ADCK5: variants seen among roughly 807,000 people sequenced by gnomAD.
The protein encoded by ADCK5 is aarF domain containing kinase 5.
Under a neutral mutation model 64.9 loss-of-function variants are expected in ADCK5, and 43 were observed. The observed-to-expected ratio is 0.66, with a 90% CI of 0.52 to 0.85. ADCK5 has a LOEUF of 0.85. Among genes scored for constraint, ADCK5 ranks in the 40% least tolerant of loss-of-function variants. The pLI, the probability that ADCK5 is intolerant of heterozygous loss-of-function variation, is 0.00. For synonymous variants in ADCK5, 434 were observed against 342.8 expected, an observed-to-expected ratio of 1.27 and a Z score of -2.94; for missense variants, 760 against 810.5, an observed-to-expected ratio of 0.94 and a Z score of 0.76.
Position 144,392,879 on chromosome 8 carries a change from G to T in ADCK5, c.1624G>T (p.Glu542Ter), listed in dbSNP as rs782039585. 2 of 1,601,880 alleles carry T rather than the reference G, an allele frequency of 1.2e-6. No individual in the cohort carries two copies. The highest frequency in any genetic ancestry group is 2.2e-5 in the South Asian group (2 of 90,004). Residue 542 changes from glutamate to a stop codon, truncating the protein, a stop_gained, in exon 14 of 15, where the codon GAA becomes TAA. Transcript: ENST00000308860. LOFTEE classifies it low-confidence loss of function (END_TRUNC). ...GGTCGTCTGGGAGATGCTCAAGTTTGAAGTGGCGCTCAGGTGAGTGGCCGC... is the reference window on the plus strand; with the variant it reads ...GGTCGTCTGGGAGATGCTCAAGTTTTAAGTGGCGCTCAGGTGAGTGGCCGC... ...AKVVWEMLKF[E>*]VALRLETLAM...
intron 1 of ADCK5, 93 bp downstream of exon 1, chr8:144,374,200 C>T: frequency 8.5e-7 from 1 of 1,175,660 alleles, no homozygotes. Context: ...CCCTAGAGAC[C>T]CTCGGGGCTT....
At chr8:144,374,309 G>A (rs897469653) in intron 1 of ADCK5, among the ~76,000 whole-genome samples, 20 of 152,212 alleles carry the variant, frequency 1.3e-4, no homozygotes, top group African/African-American at 4.1e-4. Context: ...GGACTCAGGC[G>A]ATCCTCCCGC....
intron 1 of ADCK5, among the ~76,000 whole-genome samples, chr8:144,379,022 C>T (rs895897276): frequency 6.6e-6 from 1 of 151,546 alleles, no homozygotes; most frequent in South Asian, 2.1e-4. Context: ...CAACCTCTGC[C>T]TCCCGGGTTC....
intron 3 of ADCK5, among the ~76,000 whole-genome samples, chr8:144,389,845 T>TG (rs1586592920): frequency 6.6e-6 from 1 of 150,664 alleles, no homozygotes; most frequent in East Asian, 1.9e-4. Context: ...TTTTTTTTTT[T>TG]GAAACCGAGT....
At chr8:144,378,333 G>C (rs978419616) in intron 1 of ADCK5, among the ~76,000 whole-genome samples, 1 of 152,186 alleles carries the variant, frequency 6.6e-6, no homozygotes, top group African/African-American at 2.4e-5. Flanking sequence ...GAGGGGCCTG[G>C]TGGGAGGTGA....
In ADCK5 at chr8:144,391,749, G is replaced by C. The variant is rs542447834; in HGVS notation, c.931-34G>C. 5.1e-5 allele frequency: 78 copies of C among 1,538,996 alleles called. No homozygotes were observed. In the South Asian group the frequency reaches 9.0e-4, roughly 18 times the overall value. ...AGGCCCTTGGGGTGGGCACAGCGCT[G>C]GGCCTGCTGAGCCCAGCCTCTTGCT... On this transcript the variant is annotated intron_variant, in intron 8 of 14. Transcript: ENST00000308860.
At chr8:144,391,518 G>A (rs1008107901) in intron 7 of ADCK5, 44 bp downstream of exon 7, 37 of 1,589,428 alleles carry the variant, frequency 2.3e-5, no homozygotes, top group Non-Finnish European at 3.2e-5. Flanking sequence ...CAAACACGTA[G>A]GCAGAGCTGG....
chr8:144,392,334 T>TAGGGGTGCAAGGTGA lies in ADCK5; in HGVS notation c.1256_1257insAGGGGTGCAAGGTGA (p.Gln422_Asp423insGlyGluGlyValGln), dbSNP rs1820293673. Reference sequence around the variant, plus strand: ...GCCATGAGGGCGCACGCAGCCGCACTGGGGGTGCAAGGTGAGGGCGTGCGG... The same window carrying TAGGGGTGCAAGGTGA: ...GCCATGAGGGCGCACGCAGCCGCACTAGGGGTGCAAGGTGAGGGGGTGCAAGGTGAGGGCGTGCGG... On this transcript the variant is annotated inframe_insertion, in exon 12 of 15. Coordinates refer to ENST00000308860, the MANE Select transcript of ADCK5 (RefSeq NM_174922.5). 1 of 1,476,844 alleles carries TAGGGGTGCAAGGTGA rather than the reference T, an allele frequency of 6.8e-7. No homozygotes were observed. The highest frequency in any genetic ancestry group is 9.0e-7 in the Non-Finnish European group (1 of 1,115,098). 91.5% of individuals were successfully genotyped at this position (1,476,844 alleles called of 1,614,324 possible).
chr8:144,385,963 C>CAA (rs879964077), intron 3 of ADCK5, among the ~76,000 whole-genome samples: 1 of 133,646 alleles, frequency 7.5e-6, no homozygotes, highest in Non-Finnish European at 1.6e-5. Context: ...CTCTCTGTCT[C>CAA]AAAAAAAAAA....
At chr8:144,373,771 G>A (rs1819249370), upstream of ADCK5, 1 of 327,610 alleles carries the variant, frequency 3.1e-6, no homozygotes, top group Middle Eastern at 8.3e-4. Context: ...AGCCCTCCCC[G>A]GATTATCCAC....
intron 3 of ADCK5, among the ~76,000 whole-genome samples, chr8:144,385,341 G>A (rs1312055376): frequency 2.6e-5 from 4 of 151,546 alleles, no homozygotes; most frequent in Non-Finnish European, 4.4e-5. Context: ...GTGGCACCAC[G>A]CCCGGCTAGT....
At chr8:144,374,689 G>A (rs1465029502) in intron 1 of ADCK5, among the ~76,000 whole-genome samples, 1 of 152,118 alleles carries the variant, frequency 6.6e-6, no homozygotes, top group Non-Finnish European at 1.5e-5. Flanking sequence ...GACCTCCTTC[G>A]CTCGCCTCCC....
chr8:144,391,253 T>C lies in ADCK5; in HGVS notation c.663T>C (p.Asp221=). Residue 221 remains aspartate (D), a synonymous_variant, in exon 6 of 15, where the codon GAT becomes GAC. Transcript: ENST00000308860. ...LAQVHRAKLH[D]GTSVAVKVQY... ...AGGTGCACAGAGCCAAGCTGCACGA[T>C]GGCACCAGCGTGGCTGTGAAGGTAT... is the stretch of plus-strand genomic sequence containing the variant. 1.2e-6 allele frequency: 2 copies of C among 1,612,530 alleles called. No homozygotes were observed. Among genetic ancestry groups the C allele is most frequent in the Non-Finnish European group, 1.7e-6 (2 of 1,180,020 alleles).
intron 3 of ADCK5, among the ~76,000 whole-genome samples, chr8:144,383,630 C>T (rs1194693702): frequency 1.3e-5 from 2 of 152,230 alleles, no homozygotes; most frequent in African/African-American, 2.4e-5. Context: ...AAGGTTTGGG[C>T]CTGGGAGAGG....
chr8:144,392,634 C>T lies in ADCK5; in HGVS notation c.1457C>T (p.Thr486Ile), dbSNP rs142049013. 4 of 1,594,014 alleles carry T rather than the reference C, an allele frequency of 2.5e-6. No homozygotes were observed. Among genetic ancestry groups the T allele is most frequent in the African/African-American group, 2.7e-5 (2 of 74,670 alleles). Residue 486 changes from threonine (T) to isoleucine (I), a missense_variant, in exon 13 of 15, where the codon ACC becomes ATC. Physicochemically the swap from Thr to Ile is moderately conservative, Grantham distance 89. This residue lies in a region of ADCK5 where 333 missense variants were observed against 292.0 expected (regional missense o/e 1.14). Coordinates refer to ENST00000308860, the MANE Select transcript of ADCK5 (RefSeq NM_174922.5). ...CTGCTGGTGCTGCGCAACATCAACACCGTGCGCGCTATCAACGTGGCCCTC... is the reference window on the plus strand; with the variant it reads ...CTGCTGGTGCTGCGCAACATCAACATCGTGCGCGCTATCAACGTGGCCCTC... ...PMLLVLRNIN[T>I]VRAINVALGA...
intron 1 of ADCK5, among the ~76,000 whole-genome samples, chr8:144,375,121 G>A (rs993521269): frequency 2.6e-5 from 4 of 152,242 alleles, no homozygotes; most frequent in African/African-American, 9.6e-5. Flanking sequence ...GTGGCCTTCA[G>A]TGCAGCTCCT....
chr8:144,389,090 C>T (rs557378867), intron 3 of ADCK5, among the ~76,000 whole-genome samples: 1 of 152,322 alleles, frequency 6.6e-6, no homozygotes, highest in Non-Finnish European at 1.5e-5. Context: ...CCAGCTGGTC[C>T]CCAGAGTTCT....
At position 144,390,680 on chromosome 8, in the gene ADCK5, G is replaced by A. The variant is rs1820176565; in HGVS notation, c.276G>A (p.Lys92=). The change falls in exon 4 of 15, where the codon AAG becomes AAA. Residue 92 remains lysine, a synonymous_variant. Transcript: ENST00000308860. ...CCACCTCTGCCCGCAGGTCTCTGAAGGTCGGCCTGCAGATCTCCCTGGACT... is the reference window on the plus strand; with the variant it reads ...CCACCTCTGCCCGCAGGTCTCTGAAAGTCGGCCTGCAGATCTCCCTGGACT... ...DGMGRFGRSL[K]VGLQISLDYW... The A allele has an allele frequency of 6.2e-7, 1 of 1,613,652 alleles. No homozygotes were observed. Among genetic ancestry groups the A allele is most frequent in the East Asian group, 2.2e-5 (1 of 44,886 alleles).
intron 2 of ADCK5, 98 bp downstream of exon 2, chr8:144,379,588 C>A (rs543211958): frequency 9.8e-7 from 1 of 1,016,106 alleles, no homozygotes; most frequent in Non-Finnish European, 1.4e-6. Flanking sequence ...AAGGCTGGAC[C>A]TTCTCCTGTA....
Sources: gnomAD v4.1 joint callset for allele counts (sites outside exome capture counted in the v4.1 genomes callset) on GRCh38, gnomAD v4.1.1 for gene constraint, gnomAD v4.1.1 regional missense constraint, MANE v1.5 for transcripts, NCBI Gene and HGNC (gene_info 2026-07-23, HGNC 2026-07-21) for gene names.